Variants in DMD observed in about 807,000 individuals in gnomAD.
DMD encodes dystrophin, also known as mutant dystrophin.
DMD carries 63 observed loss-of-function variants against 330.1 expected under a neutral mutation model. The observed-to-expected ratio is 0.19, with a 90% CI of 0.16 to 0.24. The LOEUF (loss-of-function observed/expected upper bound fraction) is 0.24. Ranked by LOEUF, DMD falls within the 10% of genes least tolerant of loss-of-function variation. The pLI is 1.00. For synonymous variants in DMD, 1,223 were observed against 959.8 expected (o/e 1.27, Z -5.07); for missense variants, 3,344 against 2,684.1 (o/e 1.25, Z -5.43).
intron 1 of DMD, among the ~76,000 whole-genome samples, chrX:33,135,073 C>A (rs2095518880): frequency 8.9e-6 from 1 of 112,031 alleles, no homozygotes; most frequent in Non-Finnish European, 1.9e-5. Context: ...ATTCTTATAA[C>A]CCCAACTCTT....
intron 55 of DMD, among the ~76,000 whole-genome samples, chrX:31,529,416 T>C (rs1190465705): frequency 2.7e-5 from 3 of 109,950 alleles, no homozygotes; most frequent in Admixed American, 9.7e-5. Context: ...AAATAAAATA[T>C]AGTAAAGTAA....
chrX:32,306,465 C>G (rs946183355), intron 42 of DMD, among the ~76,000 whole-genome samples: 2 of 110,988 alleles, frequency 1.8e-5, no homozygotes, highest in African/African-American at 6.5e-5. Flanking sequence ...ATTAGGACCA[C>G]CATGTCTCCT....
intron 30 of DMD, among the ~76,000 whole-genome samples, chrX:32,399,738 C>A (rs939005856): frequency 3.6e-5 from 4 of 111,566 alleles, no homozygotes; most frequent in Middle Eastern, 4.7e-3. Flanking sequence ...TGTGTATATA[C>A]CCAAAAGAAA....
At chrX:33,199,776 C>T (rs1303111077) in intron 1 of DMD, among the ~76,000 whole-genome samples, 1 of 110,975 alleles carries the variant, frequency 9.0e-6, no homozygotes, top group Non-Finnish European at 1.9e-5. Context: ...ATACAAACAC[C>T]CTCCAAAGTA....
At chrX:32,139,098 T>C (rs1415006408) in intron 44 of DMD, among the ~76,000 whole-genome samples, 3 of 112,351 alleles carry the variant, frequency 2.7e-5, no homozygotes, top group Non-Finnish European at 3.8e-5. Context: ...ACTTCACATT[T>C]TCCAGAATGG....
At chrX:32,669,018 C>G (rs937031329) in intron 9 of DMD, among the ~76,000 whole-genome samples, 1 of 110,933 alleles carries the variant, frequency 9.0e-6, no homozygotes, top group African/African-American at 3.3e-5. Context: ...CAGGAATTTA[C>G]GGTGTACTGT....
intron 50 of DMD, among the ~76,000 whole-genome samples, chrX:31,795,153 C>T (rs1291688639): frequency 1.8e-5 from 2 of 111,411 alleles, no homozygotes; most frequent in Non-Finnish European, 3.8e-5. Context: ...GGAATCCATC[C>T]TCAGTTCTGG....
At chrX:31,261,161 T>C (rs1413361305) in intron 62 of DMD, 145 bp from the exon 63 acceptor site, 7 of 496,725 alleles carry the variant, frequency 1.4e-5, no homozygotes, top group Non-Finnish European at 2.4e-5. Flanking sequence ...CCATAGTGTA[T>C]TGAAGAAATG....
chrX:31,888,462 C>G (rs928154724), intron 47 of DMD, among the ~76,000 whole-genome samples: 1 of 111,414 alleles, frequency 9.0e-6, no homozygotes, highest in Non-Finnish European at 1.9e-5. Flanking sequence ...TTGCCCCCAA[C>G]CAAAAATCAC....
rs745349975 is a variant in DMD, at chrX:31,794,475, G to C, written c.7310-20283C>G. On this transcript the variant is annotated intron_variant, in intron 50 of 78. Transcript: ENST00000357033. ...CACTTTTTCTAAATCCTTCAGTTAT[G>C]CTTCACCGATTAAATTATTAAGAAC... is the stretch of plus-strand genomic sequence containing the variant. 7.2e-5 allele frequency among the ~76,000 whole-genome samples: 8 copies of C among 111,763 alleles called. No individual in the cohort carries two copies. The East Asian group carries it at 1.4e-3, about 20-fold the overall frequency.
At chrX:32,783,659 A>T (rs143137636) in intron 7 of DMD, among the ~76,000 whole-genome samples, 4,431 of 110,107 alleles carry the variant, frequency 0.04, 229 homozygotes, top group African/African-American at 0.14. Flanking sequence ...TTTACGTACT[A>T]TTTATATTGT....
chrX:32,948,012 A>C (rs2090937908), intron 2 of DMD, among the ~76,000 whole-genome samples: 1 of 111,289 alleles, frequency 9.0e-6, no homozygotes, highest in Non-Finnish European at 1.9e-5. Context: ...ACAACTAGTC[A>C]GTTAATGTTC....
At chrX:32,786,153 ATCACTTTTCCAAGAGAC>A (rs1450258683) in intron 7 of DMD, among the ~76,000 whole-genome samples, 1 of 109,180 alleles carries the variant, frequency 9.2e-6, no homozygotes, top group Non-Finnish European at 1.9e-5. Flanking sequence ...CAGTTTTCAA[ATCACTTTTCCAAGAGAC>A]TCACTTGCCC....
chrX:31,643,593 A>G (rs1296140464), intron 54 of DMD, among the ~76,000 whole-genome samples: 1 of 112,133 alleles, frequency 8.9e-6, no homozygotes, highest in Non-Finnish European at 1.9e-5. Context: ...TTGTTTTGTT[A>G]GTGAAATATG....
chrX:33,106,752 GTTGGTTATCAGATC>G (rs2095291340), intron 1 of DMD, among the ~76,000 whole-genome samples: 1 of 111,691 alleles, frequency 9.0e-6, no homozygotes, highest in South Asian at 3.7e-4. Context: ...AGAGATTTTA[GTTGGTTATCAGATC>G]CTGTTGTGGC....
intron 9 of DMD, among the ~76,000 whole-genome samples, chrX:32,668,040 T>C (rs2061420332): frequency 9.1e-6 from 1 of 109,697 alleles, no homozygotes; most frequent in African/African-American, 3.3e-5. Context: ...TCCCAGCTAC[T>C]AGTGAGGCTA....
chrX:32,604,825 C>A (rs1189290346), intron 12 of DMD, among the ~76,000 whole-genome samples: 1 of 95,678 alleles, frequency 1.0e-5, no homozygotes, highest in Non-Finnish European at 2.2e-5. Flanking sequence ...AAAAAAAATA[C>A]CTAGGAATGC....
chrX:31,515,017 GA>G (rs1296379628), intron 55 of DMD, among the ~76,000 whole-genome samples: 1 of 110,207 alleles, frequency 9.1e-6, no homozygotes, highest in African/African-American at 3.3e-5. Flanking sequence ...AGTTTAGAAA[GA>G]AAAGTACAAA....
intron 16 of DMD, among the ~76,000 whole-genome samples, chrX:32,562,456 G>T (rs1391220966): frequency 8.9e-6 from 1 of 112,479 alleles, no homozygotes; most frequent in African/African-American, 3.2e-5. Context: ...CTTTATATGA[G>T]TACAACTGGG....
Sources: allele counts gnomAD v4.1 joint callset (sites outside exome capture counted in the v4.1 genomes callset), GRCh38; gene constraint gnomAD v4.1.1; transcripts MANE v1.5; gene names NCBI Gene and HGNC (gene_info 2026-07-23, HGNC 2026-07-21).